The following ZNF395 variants were observed in gnomAD, a reference collection of about 807,000 sequenced individuals.
The protein encoded by ZNF395 is HD gene regulatory region-binding protein 2.
Under a neutral mutation model 57.7 loss-of-function variants are expected in ZNF395, and 20 were observed. That is an observed-to-expected ratio of 0.35 (90% CI 0.24 to 0.50). ZNF395 has a LOEUF of 0.50. ZNF395 is among the 20% of genes least tolerant of loss of function. ZNF395 has a pLI of 0.97. For synonymous variants in ZNF395, 295 were observed against 275.9 expected, an observed-to-expected ratio of 1.07 and a Z score of -0.69; for missense variants, 606 against 671.2, an observed-to-expected ratio of 0.90 and a Z score of 1.07.
At chr8:28,379,641 G>A (rs1802085591) in intron 1 of ZNF395, among the ~76,000 whole-genome samples, 1 of 152,088 alleles carries the variant, frequency 6.6e-6, no homozygotes, top group South Asian at 2.1e-4. Flanking sequence ...GTGCCAACCT[G>A]GGGTCAAAGA....
intron 1 of ZNF395, among the ~76,000 whole-genome samples, chr8:28,364,998 G>A (rs1224921390): frequency 2.6e-5 from 4 of 152,202 alleles, no homozygotes; most frequent in South Asian, 2.1e-4. Context: ...GGCAGGGCAC[G>A]CAAAGGGATA....
At position 28,351,786 on chromosome 8, in the gene ZNF395, C is replaced by T; in HGVS notation, c.942G>A (p.Gln314=). The T allele has an allele frequency of 6.4e-7, 1 of 1,570,902 alleles. No individual in the cohort carries two copies. Among genetic ancestry groups the T allele is most frequent in the East Asian group, 2.2e-5 (1 of 44,602 alleles). ...AGTAGAAATCCTCCTCCCGCTTGAA[C>T]TGATCAGAGTCCACTGTGTCCCTGT... The part of the protein sequence containing the change: ...LHLGDTVDSD[Q]FKREEDFYYT... The change falls in exon 7 of 10, where the codon CAG becomes CAA. Residue 314 remains glutamine, a synonymous_variant. Coordinates refer to ENST00000344423, the MANE Select transcript of ZNF395 (RefSeq NM_018660.3).
chr8:28,362,404 T>A (rs1801861266), intron 1 of ZNF395, among the ~76,000 whole-genome samples: 1 of 152,226 alleles, frequency 6.6e-6, no homozygotes, highest in African/African-American at 2.4e-5. Context: ...TCCCTACTAT[T>A]CGCTCATTTG....
At chr8:28,367,618 C>T (rs551637643) in intron 1 of ZNF395, among the ~76,000 whole-genome samples, 4 of 152,346 alleles carry the variant, frequency 2.6e-5, no homozygotes, top group African/African-American at 7.2e-5. Context: ...ACCTACCTCC[C>T]CATTTGCTCT....
Position 28,348,645 on chromosome 8 carries a change from G to A in ZNF395, c.*74C>T. 1.5e-6 allele frequency: 2 copies of A among 1,348,988 alleles called. No homozygotes were observed. The highest frequency in any genetic ancestry group is 3.4e-5 in the Admixed American group (2 of 58,462). 83.6% of individuals were successfully genotyped at this position (1,348,988 alleles called of 1,614,324 possible). On this transcript the variant is annotated 3_prime_UTR_variant, in exon 10 of 10. Transcript: ENST00000344423. ...TTCTTTCTCTTTCGGTTTCTGCTGA[G>A]GGCTGGTGACACACTGGCCTCTTGT...
At chr8:28,357,595 G>A (rs1187764715) in intron 3 of ZNF395, among the ~76,000 whole-genome samples, 2 of 152,164 alleles carry the variant, frequency 1.3e-5, no homozygotes, top group Admixed American at 6.5e-5. Context: ...ATTCAGGTCC[G>A]CCAAAATATG....
chr8:28,353,160 C>A lies in ZNF395; in HGVS notation c.819+13G>T. The A allele has an allele frequency of 6.2e-7, 1 of 1,613,294 alleles. No homozygotes were observed. Among genetic ancestry groups the A allele is most frequent in the Non-Finnish European group, 8.5e-7 (1 of 1,179,822 alleles). On this transcript the variant is annotated intron_variant, in intron 5 of 9. Coordinates refer to ENST00000344423, the MANE Select transcript of ZNF395 (RefSeq NM_018660.3). Reference sequence around the variant, plus strand: ...CTCCAGCCTGGGCTCCCACTCACACCACAATCACGTACCTTTCTTTTTCGT... The same window carrying A: ...CTCCAGCCTGGGCTCCCACTCACACAACAATCACGTACCTTTCTTTTTCGT...
intron 7 of ZNF395, 93 bp downstream of exon 7, chr8:28,351,402 A>T: frequency 7.1e-7 from 1 of 1,412,228 alleles, no homozygotes; most frequent in Non-Finnish European, 9.5e-7. Context: ...CAAAGGGCTC[A>T]GCCTTCCATC....
intron 3 of ZNF395, among the ~76,000 whole-genome samples, chr8:28,358,151 C>CTTTTTTT (rs746800075): frequency 4.5e-4 from 46 of 101,108 alleles, no homozygotes; most frequent in East Asian, 8.3e-4. Context: ...TCTTTTTTTT[C>CTTTTTTT]TTTTTTTTTT....
chr8:28,382,989 A>G (rs373620449), intron 1 of ZNF395, among the ~76,000 whole-genome samples: 25 of 152,316 alleles, frequency 1.6e-4, no homozygotes, highest in East Asian at 1.4e-3. Flanking sequence ...TCACGATGTA[A>G]ATTTCATTTC....
intron 1 of ZNF395, among the ~76,000 whole-genome samples, chr8:28,381,070 C>T (rs888666296): frequency 6.9e-6 from 1 of 144,516 alleles, no homozygotes; most frequent in Admixed American, 7.0e-5. Flanking sequence ...TTGACGGAGT[C>T]TCGCTCTGTC....
chr8:28,383,392 A>G (rs1323021574), intron 1 of ZNF395, among the ~76,000 whole-genome samples: 1 of 152,080 alleles, frequency 6.6e-6, no homozygotes, highest in Admixed American at 6.5e-5. Flanking sequence ...GAATCACAAT[A>G]TCCCTAGGGC....
intron 6 of ZNF395, 125 bp from the exon 7 acceptor site, chr8:28,351,932 G>A: frequency 1.8e-6 from 2 of 1,111,216 alleles, no homozygotes; most frequent in Non-Finnish European, 2.5e-6. Flanking sequence ...GAGCCCAAGA[G>A]AACACCCAGG....
intron 3 of ZNF395, among the ~76,000 whole-genome samples, chr8:28,357,943 A>G (rs1016537089): frequency 1.3e-5 from 2 of 152,276 alleles, no homozygotes; most frequent in East Asian, 1.9e-4. Context: ...AAATTAGGAT[A>G]TATATTCTTA....
At position 28,364,786 on chromosome 8, in the gene ZNF395, A is replaced by G. The variant is rs1051471254; in HGVS notation, c.-58-3604T>C. On this transcript the variant is annotated intron_variant, in intron 1 of 9. Transcript: ENST00000344423. ...TCTCAAAAAGATAAAAAGAAAAAAT[A>G]GCTCCTGATCTAAAAGTCTACACAT... is the stretch of plus-strand genomic sequence containing the variant. 2.0e-5 allele frequency among the ~76,000 whole-genome samples: 3 copies of G among 152,162 alleles called. No individual in the cohort carries two copies. In the East Asian group the frequency reaches 5.8e-4, roughly 29 times the overall value.
chr8:28,371,399 T>G (rs1801974713), intron 1 of ZNF395, among the ~76,000 whole-genome samples: 1 of 152,198 alleles, frequency 6.6e-6, no homozygotes, highest in Non-Finnish European at 1.5e-5. Flanking sequence ...AAGGCTTTTC[T>G]CGAATTCCTG....
intron 1 of ZNF395, among the ~76,000 whole-genome samples, chr8:28,363,647 C>A (rs542197603): frequency 4.6e-5 from 7 of 152,162 alleles, no homozygotes; most frequent in Non-Finnish European, 8.8e-5. Flanking sequence ...CAAAACAAAA[C>A]AAAACTAATG....
At chr8:28,365,492 T>C (rs760701283) in intron 1 of ZNF395, 2 of 152,264 alleles carry the variant, frequency 1.3e-5, no homozygotes, top group Non-Finnish European at 2.9e-5. Context: ...GTTTGCCATA[T>C]GGTTCTGGAG....
intron 7 of ZNF395, 56 bp downstream of exon 7, chr8:28,351,439 C>A (rs1363392407): frequency 1.3e-5 from 20 of 1,510,238 alleles, no homozygotes; most frequent in Non-Finnish European, 1.7e-5. Flanking sequence ...TGTAATCAAG[C>A]TGGCCCGTGA....
Sources: allele counts gnomAD v4.1 joint callset (sites outside exome capture counted in the v4.1 genomes callset), GRCh38; gene constraint gnomAD v4.1.1; transcripts MANE v1.5; gene names NCBI Gene and HGNC (gene_info 2026-07-23, HGNC 2026-07-21).